Variants in PRR14 observed in about 807,000 individuals in gnomAD.
The protein encoded by PRR14 is proline-rich protein 14.
In PRR14, 33 loss-of-function variants were observed where a neutral mutation model predicts 57.2. That is an observed-to-expected ratio of 0.58 (90% CI 0.44 to 0.77). PRR14 has a LOEUF of 0.77. PRR14 is among the 30% of genes least tolerant of loss of function. PRR14 has a pLI of 0.00. For synonymous variants in PRR14, 303 were observed against 314.7 expected (o/e 0.96, Z 0.39); for missense variants, 716 against 788.1 (o/e 0.91, Z 1.10).
chr16:30,654,274 G>A lies in PRR14; in HGVS notation c.593G>A (p.Gly198Glu). 6 of 1,614,100 alleles carry A rather than the reference G, an allele frequency of 3.7e-6. No homozygotes were observed. Among genetic ancestry groups the A allele is most frequent in the Non-Finnish European group, 5.1e-6 (6 of 1,180,010 alleles). ...GTTCGCCAGCCAACGCCTCCACCTGGGGACCTAGAACCCCCATTCCAGCCA... is the reference window on the plus strand; with the variant it reads ...GTTCGCCAGCCAACGCCTCCACCTGAGGACCTAGAACCCCCATTCCAGCCA... ...RIVRQPTPPP[G>E]DLEPPFQPSA... The change falls in exon 7 of 12, where the codon GGG becomes GAG. Residue 198 changes from glycine to glutamate, a missense_variant. Gly to Glu is a moderately conservative substitution (Grantham distance 98). Transcript: ENST00000300835.
chr16:30,655,848 C>T lies in PRR14; in HGVS notation c.1407-20C>T. 2.5e-6 allele frequency: 4 copies of T among 1,613,840 alleles called. No homozygotes were observed. The highest frequency in any genetic ancestry group is 4.5e-5 in the East Asian group (2 of 44,866). ...CCACTGGCCCAAGGTTTCTCAGTGG[C>T]CTCTGCTCTTTGCTCACAGGTTGAA... On this transcript the variant is annotated intron_variant, in intron 10 of 11. Coordinates refer to ENST00000300835, the MANE Select transcript of PRR14 (RefSeq NM_024031.5). The surrounding 1 kb of genome is among the most constrained non-coding windows in gnomAD (Gnocchi z 4.6).
Position 30,652,939 on chromosome 16 carries a change from C to G in PRR14, c.340C>G (p.Arg114Gly). ...GCCTCCCGACCCTCTGTGTTTGTGT[C>G]GCGAGCCCTTGAGCCGCATCCACCG... ...ARPPDPLCLC[R>G]EPLSRIHRTS... Residue 114 changes from arginine (R) to glycine (G), a missense_variant, in exon 5 of 12, where the codon CGC becomes GGC. Transcript: ENST00000300835. The G allele has an allele frequency of 6.2e-7, 1 of 1,614,022 alleles. No homozygotes were observed. Among genetic ancestry groups the G allele is most frequent in the South Asian group, 1.1e-5 (1 of 91,066 alleles).
At chr16:30,654,536 G>A (rs1028795856) in intron 7 of PRR14, 93 bp from the exon 8 acceptor site, 10 of 1,112,742 alleles carry the variant, frequency 9.0e-6, no homozygotes, top group Admixed American at 8.6e-5. Flanking sequence ...TTAAGGGTGG[G>A]CTAATTCCCC....
At chr16:30,653,280 G>A (rs2052332423) in intron 5 of PRR14, 85 bp from the exon 6 acceptor site, 1 of 1,490,926 alleles carries the variant, frequency 6.7e-7, no homozygotes, top group Non-Finnish European at 9.3e-7. Flanking sequence ...AACCCAAGCA[G>A]CTATCCGGGA....
rs765968254 is a variant in PRR14 at position 30,654,616 on chromosome 16, C to T, written c.659-13C>T. 5 of 1,580,128 alleles carry T rather than the reference C, an allele frequency of 3.2e-6. No homozygotes were observed. On this transcript the variant is annotated splice_polypyrimidine_tract_variant and intron_variant, in intron 7 of 11. Coordinates refer to ENST00000300835, the MANE Select transcript of PRR14 (RefSeq NM_024031.5). ...CCAAGGAATATCCACCTGTGACCCT[C>T]TCCTTTCCTCAGCCCCAGATCCTGC...
rs1740861823 is a variant in PRR14 at position 30,655,239 on chromosome 16, G to A, written c.1244+25G>A. On this transcript the variant is annotated intron_variant, in intron 8 of 11. Coordinates refer to ENST00000300835, the MANE Select transcript of PRR14 (RefSeq NM_024031.5). The surrounding 1 kb of genome is among the most constrained non-coding windows in gnomAD (Gnocchi z 4.6). ...GGTAGTGCTCTCAAAAAACCCCCTT[G>A]AAGCCTGGCTGCAGCCTGGTCCCAG... 1 of 1,594,196 alleles carries A rather than the reference G, an allele frequency of 6.3e-7. No individual in the cohort carries two copies. The highest frequency in any genetic ancestry group is 8.6e-7 in the Non-Finnish European group (1 of 1,167,988).
Position 30,651,365 on chromosome 16 carries a change from G to C in PRR14, c.-50-231G>C. On this transcript the variant is annotated intron_variant, in intron 1 of 11. Coordinates refer to ENST00000300835, the MANE Select transcript of PRR14 (RefSeq NM_024031.5). The surrounding 1 kb of genome is among the most constrained non-coding windows in gnomAD (Gnocchi z 5.0). Reference sequence around the variant, plus strand: ...CTCGGGCCGCGGGAGAACTGGGGCCGCTGCATTCTGGGTTCTGGCGGCAGG... The same window carrying C: ...CTCGGGCCGCGGGAGAACTGGGGCCCCTGCATTCTGGGTTCTGGCGGCAGG... 2.2e-6 allele frequency: 1 copy of C among 460,302 alleles called. No individual in the cohort carries two copies. The highest frequency in any genetic ancestry group is 3.9e-6 in the Non-Finnish European group (1 of 255,318). The allele number at this position is 460,302 out of a possible 1,614,324, so 28.5% of individuals were successfully genotyped here.
Position 30,651,726 on chromosome 16 carries a change from G to T in PRR14, c.23+58G>T. ...GACCCCGGGAGATGGGGATCCTGGC[G>T]ACCGTGCCGGGAAACTACAGAGCCA... is the stretch of plus-strand genomic sequence containing the variant. On this transcript the variant is annotated intron_variant, in intron 2 of 11. Transcript: ENST00000300835. The surrounding 1 kb of genome is among the most constrained non-coding windows in gnomAD (Gnocchi z 5.0). The T allele has an allele frequency of 6.2e-7, 1 of 1,612,002 alleles. No homozygotes were observed. Among genetic ancestry groups the T allele is most frequent in the Non-Finnish European group, 8.5e-7 (1 of 1,179,652 alleles).
intron 3 of PRR14, 170 bp downstream of exon 3, chr16:30,652,134 A>C: frequency 2.7e-6 from 2 of 748,786 alleles, no homozygotes; most frequent in Middle Eastern, 3.6e-4. Context: ...ACTTACTCCA[A>C]CCTAGAATTG....
At chr16:30,652,421 TCCACTGCACAGATAAGAAAAACTGG>T in intron 3 of PRR14, 2 of 561,544 alleles carry the variant, frequency 3.6e-6, no homozygotes, top group Non-Finnish European at 6.5e-6. Context: ...GGTCTTTGAC[TCCACTGCACAGATAAGAAAAACTGG>T]CCCAAAAAAG....
chr16:30,651,620 A>G lies in PRR14; in HGVS notation c.-26A>G, dbSNP rs1430257679. On this transcript the variant is annotated 5_prime_UTR_variant, in exon 2 of 12. Transcript: ENST00000300835. This position sits in a 1 kb window ranked among gnomAD's most constrained non-coding sequence, Gnocchi z 5.0. ...GGCCGCAGCCTGGGATTCCCCAGGG[A>G]CCCCCCCGGAGCCGCCGCGTCTCCC... The G allele has an allele frequency of 1.4e-5, 18 of 1,291,594 alleles. No individual in the cohort carries two copies. In the South Asian group the frequency reaches 2.0e-4, roughly 14 times the overall value. 80.0% of individuals were successfully genotyped at this position (1,291,594 alleles called of 1,614,324 possible).
chr16:30,654,796 C>T lies in PRR14; in HGVS notation c.826C>T (p.Pro276Ser). Residue 276 changes from proline (P) to serine (S), a missense_variant, in exon 8 of 12, where the codon CCG (proline) becomes TCG (serine). Pro to Ser is a moderately conservative substitution (Grantham distance 74). Transcript: ENST00000300835. ...TPNKTPQPPP[P>S]SPPMKLELKI... ...CAACAAAACCCCACAGCCCCCACCC[C>T]CGTCCCCCCCAATGAAGCTGGAGTT... is the stretch of plus-strand genomic sequence containing the variant. The T allele has an allele frequency of 6.3e-7, 1 of 1,597,474 alleles. No homozygotes were observed. Among genetic ancestry groups the T allele is most frequent in the Non-Finnish European group, 8.6e-7 (1 of 1,168,818 alleles).
At position 30,651,686 on chromosome 16, in the gene PRR14, C is replaced by T. The variant is rs371371439; in HGVS notation, c.23+18C>T. On this transcript the variant is annotated intron_variant, in intron 2 of 11. Transcript: ENST00000300835. The surrounding 1 kb of genome is among the most constrained non-coding windows in gnomAD (Gnocchi z 5.0). ...GACTCCAGGTGAGAGCGTACCCGGG[C>T]GGCCCGCCTGTCTTGACCCCGGGAG... The T allele has an allele frequency of 3.4e-5, 55 of 1,611,692 alleles. No homozygotes were observed. Among genetic ancestry groups the T allele is most frequent in the Admixed American group, 8.3e-5 (5 of 59,962 alleles).
chr16:30,651,480 C>T lies in PRR14; in HGVS notation c.-50-116C>T, dbSNP rs1377442878. 2 of 504,794 alleles carry T rather than the reference C, an allele frequency of 4.0e-6. No homozygotes were observed. Among genetic ancestry groups the T allele is most frequent in the Non-Finnish European group, 6.8e-6 (2 of 293,466 alleles). The allele number at this position is 504,794 out of a possible 1,614,324, so 31.3% of individuals were successfully genotyped here. On this transcript the variant is annotated intron_variant, in intron 1 of 11. Transcript: ENST00000300835. The surrounding 1 kb of genome is among the most constrained non-coding windows in gnomAD (Gnocchi z 5.0). ...GCGACCGGCCGGGGGCGCCCTTTCG[C>T]GCCCCAGGGCTGCGGCCGCTGGGCT...
At position 30,655,096 on chromosome 16, in the gene PRR14, C is replaced by G; in HGVS notation, c.1126C>G (p.Pro376Ala). The change falls in exon 8 of 12, where the codon CCT becomes GCT. Residue 376 changes from proline (P) to alanine (A), a missense_variant. Physicochemically the swap from Pro to Ala is conservative, Grantham distance 27 (BLOSUM62 -1). Transcript: ENST00000300835. The surrounding 1 kb of genome is among the most constrained non-coding windows in gnomAD (Gnocchi z 4.6). ...GGEMARAPPP[P>A]RPCLRKEVFP... The stretch of plus-strand genomic sequence containing the variant: ...GGAAATGGCCCGAGCCCCGCCACCC[C>G]CTCGGCCCTGTCTCCGGAAAGAGGT... The G allele has an allele frequency of 6.2e-7, 1 of 1,611,936 alleles. No homozygotes were observed. Among genetic ancestry groups the G allele is most frequent in the Non-Finnish European group, 8.5e-7 (1 of 1,179,948 alleles).
At position 30,651,921 on chromosome 16, in the gene PRR14, G is replaced by A; in HGVS notation, c.149G>A (p.Arg50Gln). The change falls in exon 3 of 12, where the codon CGG becomes CAG. Residue 50 changes from arginine (R) to glutamine (Q), a missense_variant. Coordinates refer to ENST00000300835, the MANE Select transcript of PRR14 (RefSeq NM_024031.5). This position sits in a 1 kb window ranked among gnomAD's most constrained non-coding sequence, Gnocchi z 5.0. ...TCTCCCCTGGAAAAGGCCTCTCGGC[G>A]GGTCCTGGCCGTGGTGCTAGAAGAT... Reference protein sequence around the residue: ...APSPLEKASRRVLAVVLEDVM... With the variant: ...APSPLEKASRQVLAVVLEDVM... The A allele has an allele frequency of 6.3e-7, 1 of 1,580,660 alleles. No individual in the cohort carries two copies. Among genetic ancestry groups the A allele is most frequent in the Non-Finnish European group, 8.6e-7 (1 of 1,164,468 alleles).
rs775548272 is a variant in PRR14 at position 30,652,804 on chromosome 16, C to T, written c.276C>T (p.Ala92=). ...ATCCTGTCCACAGGCAGCCGCCTGC[C>T]TCGCCACCCCGGCAGGCCGGGTGGT... The part of the protein sequence containing the change: ...HQDPVHRQPP[A]SPPRQAGWSS... The change falls in exon 4 of 12, where the codon GCC becomes GCT. Residue 92 remains alanine, a synonymous_variant. Coordinates refer to ENST00000300835, the MANE Select transcript of PRR14 (RefSeq NM_024031.5). 8.7e-6 allele frequency: 14 copies of T among 1,614,112 alleles called. No homozygotes were observed. Among genetic ancestry groups the T allele is most frequent in the Non-Finnish European group, 1.2e-5 (14 of 1,180,060 alleles).
chr16:30,651,208 G>A lies in PRR14; in HGVS notation c.-51+81G>A. 1 of 347,970 alleles carries A rather than the reference G, an allele frequency of 2.9e-6. No homozygotes were observed. The highest frequency in any genetic ancestry group is 3.4e-5 in the Admixed American group (1 of 29,618). 21.6% of individuals were successfully genotyped at this position (347,970 alleles called of 1,614,324 possible). ...TCGATGTATGGAGTATTGCTTTGGA[G>A]TCCTCGGCCACTCGCTGGGAGAGGA... On this transcript the variant is annotated intron_variant, in intron 1 of 11. Transcript: ENST00000300835. The surrounding 1 kb of genome is among the most constrained non-coding windows in gnomAD (Gnocchi z 5.0).
chr16:30,654,641 C>A lies in PRR14; in HGVS notation c.671C>A (p.Ala224Asp). ...LESPPTAPDPALELPSTPPPS... is the reference protein window; with the variant it reads ...LESPPTAPDPDLELPSTPPPS... ...CTCCTTTCCTCAGCCCCAGATCCTG[C>A]TCTGGAGCTCCCATCCACCCCACCA... Residue 224 changes from alanine to aspartate, a missense_variant, in exon 8 of 12, where the codon GCT becomes GAT. Ala to Asp is a moderately radical substitution (Grantham distance 126). Transcript: ENST00000300835. 6.2e-7 allele frequency: 1 copy of A among 1,605,258 alleles called. No individual in the cohort carries two copies. The highest frequency in any genetic ancestry group is 8.5e-7 in the Non-Finnish European group (1 of 1,174,544).
Sources: gnomAD v4.1 joint callset for allele counts on GRCh38, gnomAD v4.1.1 for gene constraint, Gnocchi (gnomAD v3.1) non-coding constraint, MANE v1.5 for transcripts, NCBI Gene and HGNC (gene_info 2026-07-23, HGNC 2026-07-21) for gene names.